The following WDR7 variants were observed in gnomAD, a reference collection of about 807,000 sequenced individuals.
The protein encoded by WDR7 is WD repeat domain 7.
A neutral mutation model predicts 169.4 loss-of-function variants in WDR7; 46 were observed. That is an observed-to-expected ratio of 0.27 (90% confidence interval 0.21 to 0.35). The LOEUF is 0.35. Among genes scored for constraint, WDR7 ranks in the 10% least tolerant of loss-of-function variants. WDR7 has a pLI of 1.00. For missense variants in WDR7, 1,534 were observed against 1,859.3 expected, an observed-to-expected ratio of 0.83 and a Z score of 3.22; for synonymous variants, 612 against 666.8, an observed-to-expected ratio of 0.92 and a Z score of 1.27.
chr18:56,711,610 G>T (rs1440712035), intron 12 of WDR7, among the ~76,000 whole-genome samples: 1 of 151,920 alleles, frequency 6.6e-6, no homozygotes, highest in East Asian at 1.9e-4. Context: ...TCTTGTTCAC[G>T]TAATTATCCA....
chr18:57,025,979 C>A (rs1268089888), intron 27 of WDR7, among the ~76,000 whole-genome samples: 1 of 152,186 alleles, frequency 6.6e-6, no homozygotes, highest in African/African-American at 2.4e-5. Context: ...TGGAGAGAAG[C>A]ATTGGAAATG....
At chr18:56,722,216 CTG>C (rs1182977852) in intron 13 of WDR7, among the ~76,000 whole-genome samples, 2 of 152,176 alleles carry the variant, frequency 1.3e-5, no homozygotes, top group African/African-American at 4.8e-5. Flanking sequence ...GTCTTAGTGA[CTG>C]TTATTCTTCC....
intron 20 of WDR7, among the ~76,000 whole-genome samples, chr18:56,833,067 A>G (rs1051699883): frequency 2.0e-5 from 3 of 152,074 alleles, no homozygotes; most frequent in Non-Finnish European, 2.9e-5. Flanking sequence ...TTCTAACCCA[A>G]TACAAGGAAG....
intron 2 of WDR7, among the ~76,000 whole-genome samples, chr18:56,673,074 A>G (rs980040974): frequency 6.6e-6 from 1 of 151,902 alleles, no homozygotes; most frequent in Non-Finnish European, 1.5e-5. Context: ...CTGTGCCTTT[A>G]TTGTCATTCC....
chr18:56,740,133 T>C (rs1330488485), intron 14 of WDR7, among the ~76,000 whole-genome samples: 1 of 152,092 alleles, frequency 6.6e-6, no homozygotes, highest in Admixed American at 6.5e-5. Flanking sequence ...TGTTTCAATG[T>C]ATATATTTTC....
chr18:57,025,248 A>G (rs2145953268), intron 27 of WDR7, among the ~76,000 whole-genome samples: 1 of 152,372 alleles, frequency 6.6e-6, no homozygotes, highest in South Asian at 2.1e-4. Context: ...AATGAAAAAT[A>G]CCTTGTAGTT....
chr18:56,794,304 A>ATCTTTTTTTTTTTTTTTTTT (rs2044543467), intron 19 of WDR7, among the ~76,000 whole-genome samples: 2 of 49,466 alleles, frequency 4.0e-5, no homozygotes, highest in African/African-American at 6.6e-5. Flanking sequence ...GGTAAAGTCT[A>ATCTTTTTTTTTTTTTTTTTT]TTTTTTTTTT....
At chr18:56,741,537 C>T (rs1484826263) in intron 14 of WDR7, among the ~76,000 whole-genome samples, 1 of 152,178 alleles carries the variant, frequency 6.6e-6, no homozygotes, top group African/African-American at 2.4e-5. Flanking sequence ...TGTCATAGGA[C>T]TCACACACGT....
chr18:56,976,805 T>C (rs1401321814), intron 26 of WDR7, among the ~76,000 whole-genome samples: 1 of 152,254 alleles, frequency 6.6e-6, no homozygotes, highest in Non-Finnish European at 1.5e-5. Context: ...ACTATCATGA[T>C]TGACTGAGAT....
intron 2 of WDR7, among the ~76,000 whole-genome samples, chr18:56,679,014 G>C (rs1195958103): frequency 6.6e-6 from 1 of 152,176 alleles, no homozygotes; most frequent in African/African-American, 2.4e-5. Context: ...ACTGCACTGA[G>C]TCACACCTGA....
At chr18:56,807,726 A>G (rs1408149548) in intron 19 of WDR7, among the ~76,000 whole-genome samples, 1 of 150,898 alleles carries the variant, frequency 6.6e-6, no homozygotes, top group Non-Finnish European at 1.5e-5. Flanking sequence ...GTTCATAAAC[A>G]AAGATCAAAA....
intron 21 of WDR7, among the ~76,000 whole-genome samples, chr18:56,911,155 A>T (rs1171258392): frequency 1.3e-5 from 2 of 152,118 alleles, no homozygotes; most frequent in Non-Finnish European, 2.9e-5. Context: ...CACAGCCACC[A>T]CTTCTGGGTT....
intron 26 of WDR7, among the ~76,000 whole-genome samples, chr18:56,985,234 A>G (rs1442852246): frequency 1.3e-5 from 2 of 152,160 alleles, no homozygotes; most frequent in East Asian, 3.8e-4. Context: ...TTATTGTCTT[A>G]AAAAAGCCAG....
At chr18:57,033,495 C>G (rs1442641257), downstream of WDR7, 1 of 152,198 alleles carries the variant, frequency 6.6e-6, no homozygotes, top group East Asian at 1.9e-4. Flanking sequence ...TCAAAGGACA[C>G]TCGAAATCCA....
At chr18:56,946,526 C>T (rs2047105536) in intron 25 of WDR7, among the ~76,000 whole-genome samples, 1 of 152,144 alleles carries the variant, frequency 6.6e-6, no homozygotes, top group Non-Finnish European at 1.5e-5. Context: ...GGGCATTAAG[C>T]AGTTCAAAGC....
chr18:56,652,764 G>A (rs2024683504), intron 1 of WDR7, among the ~76,000 whole-genome samples: 2 of 152,082 alleles, frequency 1.3e-5, no homozygotes, highest in Non-Finnish European at 2.9e-5. Context: ...AATACTTTAA[G>A]AGAAAAATGA....
At chr18:56,680,988 C>T (rs2025340465) in intron 3 of WDR7, among the ~76,000 whole-genome samples, 1 of 152,060 alleles carries the variant, frequency 6.6e-6, no homozygotes, top group South Asian at 2.1e-4. Flanking sequence ...AGCAGCCAGT[C>T]TCTGGAACAG....
At chr18:56,912,863 A>G (rs973310013) in intron 21 of WDR7, among the ~76,000 whole-genome samples, 2 of 151,668 alleles carry the variant, frequency 1.3e-5, no homozygotes, top group African/African-American at 4.8e-5. Context: ...CTGTACATGT[A>G]TTTTTAGTTT....
At chr18:56,848,075 A>G (rs2045591735) in intron 20 of WDR7, among the ~76,000 whole-genome samples, 1 of 152,226 alleles carries the variant, frequency 6.6e-6, no homozygotes, top group African/African-American at 2.4e-5. Flanking sequence ...CTGGAAATCC[A>G]CAGGCAGTCA....
Sources: gnomAD v4.1 joint callset for allele counts (sites outside exome capture counted in the v4.1 genomes callset) on GRCh38, gnomAD v4.1.1 for gene constraint, MANE v1.5 for transcripts, NCBI Gene and HGNC (gene_info 2026-07-23, HGNC 2026-07-21) for gene names.